UBR1: variants seen among roughly 807,000 people sequenced by gnomAD.
The protein encoded by UBR1 is E3 ubiquitin-protein ligase UBR1.
A neutral mutation model predicts 242.1 loss-of-function variants in UBR1; 102 were observed. The ratio of observed to expected loss-of-function variants is 0.42; its 90% CI spans 0.36 to 0.50. The LOEUF (loss-of-function observed/expected upper bound fraction) is 0.50. UBR1 is among the 20% of genes least tolerant of loss of function. The pLI is 0.01. For missense variants in UBR1, 1,772 were observed against 2,101.8 expected (o/e 0.84, Z 3.07); for synonymous variants, 675 against 684.8 (o/e 0.99, Z 0.22).
intron 42 of UBR1, 106 bp from the exon 43 acceptor site, chr15:42,960,807 C>T (rs1018425364): frequency 1.4e-5 from 17 of 1,215,388 alleles, no homozygotes; most frequent in Admixed American, 5.8e-5. Context: ...CTCACTCTTT[C>T]GCCCAGGCTG....
chr15:43,028,790 T>C (rs2033212952), intron 21 of UBR1, among the ~76,000 whole-genome samples: 1 of 146,002 alleles, frequency 6.8e-6, no homozygotes. Flanking sequence ...AATATATATA[T>C]ATATATTCCT....
intron 37 of UBR1, among the ~76,000 whole-genome samples, chr15:42,982,663 T>TG (rs2032394651): frequency 6.6e-6 from 1 of 152,132 alleles, no homozygotes; most frequent in South Asian, 2.1e-4. Flanking sequence ...AAGAAGCTTG[T>TG]GGGGATTGAC....
At chr15:43,038,515 A>G (rs550979816) in intron 15 of UBR1, among the ~76,000 whole-genome samples, 96 of 152,184 alleles carry the variant, frequency 6.3e-4, no homozygotes, top group African/African-American at 2.2e-3. Flanking sequence ...AATCGCTTGA[A>G]CCTGGGAGGC....
intron 6 of UBR1, among the ~76,000 whole-genome samples, chr15:43,065,343 C>A (rs1218133567): frequency 1.3e-5 from 2 of 152,084 alleles, no homozygotes; most frequent in East Asian, 3.9e-4. Context: ...GTTCTCCTTT[C>A]CTATTCTCTT....
chr15:42,997,908 T>A (rs1041208542), intron 33 of UBR1, among the ~76,000 whole-genome samples: 3 of 152,202 alleles, frequency 2.0e-5, no homozygotes, highest in African/African-American at 7.2e-5. Flanking sequence ...AAGATTTAAA[T>A]CTAAGCAGTT....
At chr15:42,987,819 G>A (rs1258343299) in intron 35 of UBR1, among the ~76,000 whole-genome samples, 2 of 151,282 alleles carry the variant, frequency 1.3e-5, no homozygotes, top group African/African-American at 4.9e-5. Context: ...AAATATAATG[G>A]ACTCCATTAA....
At chr15:42,951,106 T>A (rs2031825770) in intron 45 of UBR1, among the ~76,000 whole-genome samples, 2 of 152,220 alleles carry the variant, frequency 1.3e-5, no homozygotes, top group Non-Finnish European at 2.9e-5. Flanking sequence ...GACATTTGGC[T>A]TTATGTAACA....
At chr15:42,985,044 T>C (rs932210820) in intron 35 of UBR1, 102 bp from the exon 36 acceptor site, 15 of 999,464 alleles carry the variant, frequency 1.5e-5, no homozygotes, top group Non-Finnish European at 1.9e-5. Context: ...TTTGATGAGA[T>C]GATTTGCATT....
At chr15:42,965,506 C>T (rs1416957616) in intron 41 of UBR1, among the ~76,000 whole-genome samples, 2 of 151,484 alleles carry the variant, frequency 1.3e-5, no homozygotes, top group African/African-American at 2.4e-5. Context: ...CTCTGTCACC[C>T]AGGCTGGAGT....
At chr15:43,006,186 TAA>T (rs1197076267) in intron 30 of UBR1, among the ~76,000 whole-genome samples, 1 of 151,578 alleles carries the variant, frequency 6.6e-6, no homozygotes, top group Non-Finnish European at 1.5e-5. Flanking sequence ...TGGCCATGGG[TAA>T]GTTACTTGAC....
intron 44 of UBR1, 107 bp downstream of exon 44, chr15:42,957,906 C>T (rs2031949644): frequency 9.7e-7 from 1 of 1,035,228 alleles, no homozygotes. Context: ...CAAACCAAAA[C>T]AAACAAAAAA....
rs555751749 is a variant in UBR1 at position 43,004,148 on chromosome 15, T to A, written c.3416-218A>T. On this transcript the variant is annotated intron_variant, in intron 30 of 46. Coordinates refer to ENST00000290650, the MANE Select transcript of UBR1 (RefSeq NM_174916.3). ...AAATTAGTATGGATTAATAACTCTA[T>A]CTTTGATTTACTTTTTAACCTTGAA... is the stretch of plus-strand genomic sequence containing the variant. 9.2e-5 allele frequency among the ~76,000 whole-genome samples: 14 copies of A among 152,326 alleles called. No individual in the cohort carries two copies. The Middle Eastern group carries it at 0.014, about 148-fold the overall frequency.
In UBR1 at chr15:42,964,054, A is replaced by C; in HGVS notation, c.4592-11T>G. On this transcript the variant is annotated splice_polypyrimidine_tract_variant and intron_variant, in intron 41 of 46. Transcript: ENST00000290650. Reference sequence around the variant, plus strand: ...CTCCTTCTGCAGAATCTGCAAGAGAATAAAAATACATTTAATAAGCACATT... The same window carrying C: ...CTCCTTCTGCAGAATCTGCAAGAGACTAAAAATACATTTAATAAGCACATT... 6.4e-7 allele frequency: 1 copy of C among 1,551,056 alleles called. No homozygotes were observed. The highest frequency in any genetic ancestry group is 8.9e-7 in the Non-Finnish European group (1 of 1,123,222).
intron 39 of UBR1, among the ~76,000 whole-genome samples, chr15:42,973,120 A>G (rs1340428372): frequency 1.3e-5 from 2 of 152,178 alleles, no homozygotes; most frequent in African/African-American, 2.4e-5. Context: ...ATGATCACTT[A>G]CCATCTGTAT....
chr15:43,031,416 C>T (rs1469872987), intron 20 of UBR1, among the ~76,000 whole-genome samples: 1 of 152,108 alleles, frequency 6.6e-6, no homozygotes, highest in Non-Finnish European at 1.5e-5. Flanking sequence ...TTGAGTTTTC[C>T]TAATTTGAAA....
In UBR1 at chr15:43,060,053, T is replaced by C. The variant is rs758895551; in HGVS notation, c.860A>G (p.Lys287Arg). 16 of 1,614,004 alleles carry C rather than the reference T, an allele frequency of 9.9e-6. No homozygotes were observed. In the African/African-American group the frequency reaches 2.0e-4, roughly 20 times the overall value. ...AACQEAKEDIKSHSENVSQHP... is the reference protein window; with the variant it reads ...AACQEAKEDIRSHSENVSQHP... Reference sequence around the variant, plus strand: ...TTTCCCCCTAATTCAGAAAGTTACCTTTATATCTTCCTTTGCTTCCTGGCA... The same window carrying C: ...TTTCCCCCTAATTCAGAAAGTTACCCTTATATCTTCCTTTGCTTCCTGGCA... The change falls in exon 7 of 47, where the codon AAG (lysine) becomes AGG (arginine). Residue 287 changes from lysine (K) to arginine (R), a missense_variant and splice_region_variant. Coordinates refer to ENST00000290650, the MANE Select transcript of UBR1 (RefSeq NM_174916.3).
At chr15:42,963,416 C>A (rs1282230496) in intron 42 of UBR1, among the ~76,000 whole-genome samples, 2 of 152,100 alleles carry the variant, frequency 1.3e-5, no homozygotes, top group Admixed American at 1.3e-4. Flanking sequence ...TGGAGGTTAG[C>A]AGCATTGACA....
At chr15:43,064,497 A>C (rs1471069258) in intron 6 of UBR1, among the ~76,000 whole-genome samples, 1 of 152,208 alleles carries the variant, frequency 6.6e-6, no homozygotes, top group Admixed American at 6.5e-5. Context: ...TAAAAGCACA[A>C]GTTAGAGAAC....
intron 29 of UBR1, among the ~76,000 whole-genome samples, chr15:43,015,081 G>A (rs1237674809): frequency 6.7e-6 from 1 of 149,898 alleles, no homozygotes; most frequent in Non-Finnish European, 1.5e-5. Flanking sequence ...ACCTCGGCCC[G>A]GCCGCCCCTA....
Sources: allele counts gnomAD v4.1 joint callset (sites outside exome capture counted in the v4.1 genomes callset), GRCh38; gene constraint gnomAD v4.1.1; transcripts MANE v1.5; gene names NCBI Gene and HGNC (gene_info 2026-07-23, HGNC 2026-07-21).